Variants in PEX11G observed in about 807,000 individuals in gnomAD.
PEX11G encodes the protein peroxisomal biogenesis factor 11 gamma.
A neutral mutation model predicts 22.5 loss-of-function variants in PEX11G; 20 were observed. The observed-to-expected ratio is 0.89, with a 90% CI of 0.62 to 1.29. The LOEUF is 1.29. Ranked by LOEUF, PEX11G falls within the 50% of genes most tolerant of loss-of-function variation. PEX11G has a pLI of 0.00. For missense variants in PEX11G, 347 were observed against 331.3 expected (o/e 1.05, Z -0.37); for synonymous variants, 141 against 154.5 (o/e 0.91, Z 0.65).
At chr19:7,493,958 A>T (rs1159936911), upstream of PEX11G, among the ~76,000 whole-genome samples, 1 of 150,336 alleles carries the variant, frequency 6.7e-6, no homozygotes, top group Non-Finnish European at 1.5e-5. Flanking sequence ...CCCAGGCTGG[A>T]ATACAGTGGT....
Position 7,482,292 on chromosome 19 carries a change from G to A in PEX11G, c.250-81C>T, listed in dbSNP as rs554700708. 2.7e-5 allele frequency: 39 copies of A among 1,420,110 alleles called. No individual in the cohort carries two copies. The African/African-American group carries it at 4.6e-4, about 17-fold the overall frequency. 88.0% of individuals were successfully genotyped at this position (1,420,110 alleles called of 1,614,324 possible). On this transcript the variant is annotated intron_variant, in intron 2 of 4. Coordinates refer to ENST00000221480, the MANE Select transcript of PEX11G (RefSeq NM_080662.4). The stretch of plus-strand genomic sequence containing the variant: ...AGCACCGTAGCCATGCCAGGTGGCA[G>A]AGAGCTATTTCCTGACCCCAGTCCC...
chr19:7,490,642 ATTTTTTTTTTTTTTTTTTTTT>A (rs749165168), upstream of PEX11G, among the ~76,000 whole-genome samples: 1 of 55,074 alleles, frequency 1.8e-5, no homozygotes, highest in African/African-American at 7.6e-5. Flanking sequence ...CCTGGCCTCT[ATTTTTTTTTTTTTTTTTTTTT>A]TTTTTTTTTG....
At position 7,477,020 on chromosome 19, in the gene PEX11G, C is replaced by T; in HGVS notation, c.*182G>A. Reference sequence around the variant, plus strand: ...GCCCTGCACGGCCCCTGAAAACTGTCACGGCTCAGGAGCTCCAGGCTGAGG... The same window carrying T: ...GCCCTGCACGGCCCCTGAAAACTGTTACGGCTCAGGAGCTCCAGGCTGAGG... On this transcript the variant is annotated 3_prime_UTR_variant, in exon 5 of 5. Coordinates refer to ENST00000221480, the MANE Select transcript of PEX11G (RefSeq NM_080662.4). The T allele has an allele frequency of 2.1e-6, 1 of 474,076 alleles. No homozygotes were observed. 29.4% of individuals were successfully genotyped at this position (474,076 alleles called of 1,614,324 possible).
chr19:7,494,553 C>G (rs368645117), intron 1 of PEX11G, among the ~76,000 whole-genome samples: 1 of 152,158 alleles, frequency 6.6e-6, no homozygotes, highest in East Asian at 1.9e-4. Flanking sequence ...TCCTGTGTGC[C>G]GGGTCCCGCT....
In PEX11G at chr19:7,489,003, GA is replaced by G; in HGVS notation, c.7del (p.Ser3ArgfsTer2). Reference sequence around the variant, plus strand: ...CAGCGCCGACGCCAGGCCGCTCAGCGACGCCATGGCAACTCCGTGACGTCAC... The same window carrying G: ...CAGCGCCGACGCCAGGCCGCTCAGCGCGCCATGGCAACTCCGTGACGTCAC... Reference protein sequence around the residue: MASLSGLASALES... With the variant: MAXLSGLASALES... On this transcript the variant is annotated frameshift_variant, in exon 1 of 5. Transcript: ENST00000221480. LOFTEE classifies it high-confidence loss of function. The G allele has an allele frequency of 3.2e-6, 5 of 1,541,068 alleles. No individual in the cohort carries two copies. The South Asian group carries it at 4.8e-5, about 15-fold the overall frequency.
chr19:7,482,147 G>C lies in PEX11G; in HGVS notation c.314C>G (p.Pro105Arg). The C allele has an allele frequency of 1.3e-6, 2 of 1,593,132 alleles. No individual in the cohort carries two copies. Among genetic ancestry groups the C allele is most frequent in the Non-Finnish European group, 1.7e-6 (2 of 1,170,266 alleles). ...LGNLADQLYY[P>R]CEHVAWAADA... is the part of the protein sequence containing the mutation. ...AGCCGCCCAGGCCACGTGCTCACAGGGGTAGTAGAGCTGGTCAGCCAGGTT... is the reference window on the plus strand; with the variant it reads ...AGCCGCCCAGGCCACGTGCTCACAGCGGTAGTAGAGCTGGTCAGCCAGGTT... The change falls in exon 3 of 5, where the codon CCC (proline) becomes CGC (arginine). Residue 105 changes from proline to arginine, a missense_variant. By Grantham distance (103) the Pro-to-Arg change is moderately radical. Transcript: ENST00000221480.
At chr19:7,487,017 A>G (rs2021690978) in intron 1 of PEX11G, among the ~76,000 whole-genome samples, 1 of 152,030 alleles carries the variant, frequency 6.6e-6, no homozygotes, top group African/African-American at 2.4e-5. Context: ...ACTACACTCC[A>G]GCCTGGGCAA....
chr19:7,485,363 G>GTT (rs938059113), intron 2 of PEX11G, among the ~76,000 whole-genome samples: 1 of 145,022 alleles, frequency 6.9e-6, no homozygotes, highest in Non-Finnish European at 1.5e-5. Context: ...TAGAGACAGG[G>GTT]TTTTTTTTTT....
chr19:7,488,941 C>T lies in PEX11G; in HGVS notation c.60+10G>A, dbSNP rs1159573906. 1.9e-6 allele frequency: 3 copies of T among 1,550,938 alleles called. No homozygotes were observed. Among genetic ancestry groups the T allele is most frequent in the Middle Eastern group, 1.7e-4 (1 of 5,986 alleles). On this transcript the variant is annotated intron_variant, in intron 1 of 4. Transcript: ENST00000221480. ...CTAGGACCTCCGGCCCCGGTCCGCCCCTGCCTCACCAGGCGGTCCCGGCCC... is the reference window on the plus strand; with the variant it reads ...CTAGGACCTCCGGCCCCGGTCCGCCTCTGCCTCACCAGGCGGTCCCGGCCC...
intron 1 of PEX11G, among the ~76,000 whole-genome samples, chr19:7,488,014 T>C (rs1163181577): frequency 2.0e-5 from 3 of 152,198 alleles, no homozygotes; most frequent in South Asian, 2.1e-4. Flanking sequence ...ATAACCTAAA[T>C]GTTCAACCAT....
chr19:7,477,614 G>A (rs1384373473), intron 4 of PEX11G, among the ~76,000 whole-genome samples, 178 bp from the exon 5 acceptor site: 2 of 151,706 alleles, frequency 1.3e-5, no homozygotes. Flanking sequence ...TCACCCCCCC[G>A]ACCCAAGCAC....
chr19:7,489,332 A>G, upstream of PEX11G: 1 of 1,131,856 alleles, frequency 8.8e-7, no homozygotes, highest in Non-Finnish European at 1.1e-6. Context: ...AAAATATTCC[A>G]AGCAAAACCA....
rs116566262 is a variant in PEX11G, at chr19:7,479,684, G to A, written c.429-1308C>T. Among the ~76,000 whole-genome samples, 482 of 152,340 alleles carry A rather than the reference G, an allele frequency of 3.2e-3. 4 individuals are homozygous for A. The highest frequency in any genetic ancestry group is 0.011 in the African/African-American group (466 of 41,562). ...ACCACATGCCCGAAACAAGAATGCC[G>A]CAGCAGGCGGGGCACACAGGACTTC... On this transcript the variant is annotated intron_variant, in intron 3 of 4. Transcript: ENST00000221480.
rs1396593612 is a variant in PEX11G at position 7,477,961 on chromosome 19, G to T, written c.491+353C>A. Reference sequence around the variant, plus strand: ...CAGTTGAGCCCAGGAGGCAGAGGCTGCAGTGAGCCAAGATGGCACCACTGT... The same window carrying T: ...CAGTTGAGCCCAGGAGGCAGAGGCTTCAGTGAGCCAAGATGGCACCACTGT... On this transcript the variant is annotated intron_variant, in intron 4 of 4. Transcript: ENST00000221480. Among the ~76,000 whole-genome samples the T allele has an allele frequency of 2.0e-5, 3 of 152,256 alleles. No individual in the cohort carries two copies. In the East Asian group the frequency reaches 5.8e-4, roughly 29 times the overall value.
At chr19:7,479,532 A>G (rs769964192) in intron 3 of PEX11G, among the ~76,000 whole-genome samples, 7 of 152,216 alleles carry the variant, frequency 4.6e-5, no homozygotes, top group Non-Finnish European at 7.4e-5. Context: ...ATCTCCATTT[A>G]GCAACCTCCT....
intron 3 of PEX11G, among the ~76,000 whole-genome samples, chr19:7,481,147 T>C (rs1977471252): frequency 6.6e-6 from 1 of 152,176 alleles, no homozygotes; most frequent in South Asian, 2.1e-4. Flanking sequence ...GTCCTGAACC[T>C]GTCAACATGT....
intron 1 of PEX11G, among the ~76,000 whole-genome samples, chr19:7,494,426 C>T (rs2021942205): frequency 1.3e-5 from 2 of 152,160 alleles, no homozygotes; most frequent in South Asian, 4.1e-4. Context: ...AAGCCAAGGT[C>T]CAGACATGCA....
chr19:7,480,002 G>A (rs928619301), intron 3 of PEX11G, among the ~76,000 whole-genome samples: 3 of 152,048 alleles, frequency 2.0e-5, no homozygotes, highest in African/African-American at 7.2e-5. Context: ...GGTGGCTCAC[G>A]CCTATAATTC....
intron 3 of PEX11G, among the ~76,000 whole-genome samples, chr19:7,479,925 G>A (rs116046989): frequency 0.011 from 1,665 of 152,284 alleles, 19 homozygotes; most frequent in Middle Eastern, 0.024. Flanking sequence ...GGAGCTCTCT[G>A]AACGTTATGC....
Sources: gnomAD v4.1 joint callset for allele counts (sites outside exome capture counted in the v4.1 genomes callset) on GRCh38, gnomAD v4.1.1 for gene constraint, MANE v1.5 for transcripts, NCBI Gene and HGNC (gene_info 2026-07-23, HGNC 2026-07-21) for gene names.